Variants in URM1 observed in about 807,000 individuals in gnomAD.
URM1 encodes the protein ubiquitin-related modifier 1.
Under a neutral mutation model 17.7 loss-of-function variants are expected in URM1, and 11 were observed. The ratio of observed to expected loss-of-function variants is 0.62; its 90% CI spans 0.39 to 1.03. The LOEUF is 1.03. Among genes scored for constraint, URM1 ranks in the 50% least tolerant of loss-of-function variants. The pLI is 0.00. For missense variants in URM1, 128 were observed against 129.2 expected (o/e 0.99, Z 0.04); for synonymous variants, 48 against 50.6 (o/e 0.95, Z 0.22).
chr9:128,388,672 A>C (rs953212323), intron 3 of URM1: 39 of 984,858 alleles, frequency 4.0e-5, no homozygotes, highest in Non-Finnish European at 4.2e-5. Context: ...GAGCCAGGCT[A>C]AGCTGCCTGA....
chr9:128,375,960 C>T (rs1352191275), intron 1 of URM1, among the ~76,000 whole-genome samples: 1 of 152,080 alleles, frequency 6.6e-6, no homozygotes, highest in African/African-American at 2.4e-5. Flanking sequence ...ACATCGGGGC[C>T]GGCAGCTCCA....
intron 1 of URM1, among the ~76,000 whole-genome samples, chr9:128,374,712 A>G (rs1833054755): frequency 6.6e-6 from 1 of 152,210 alleles, no homozygotes; most frequent in South Asian, 2.1e-4. Context: ...AAATTGGGAA[A>G]GGGTGGTGGG....
intron 1 of URM1, among the ~76,000 whole-genome samples, chr9:128,372,266 G>A (rs78790760): frequency 0.093 from 14,088 of 151,698 alleles, 742 homozygotes; most frequent in Middle Eastern, 0.18. Context: ...AAATAGGTAG[G>A]GATGTGTGTG....
At chr9:128,385,455 C>A (rs188525094) in intron 2 of URM1, among the ~76,000 whole-genome samples, 2 of 152,242 alleles carry the variant, frequency 1.3e-5, no homozygotes, top group African/African-American at 4.8e-5. Flanking sequence ...AAATATTTTT[C>A]TCCTGCATGA....
At chr9:128,378,158 G>A in intron 2 of URM1, 52 bp downstream of exon 2, 1 of 1,355,144 alleles carries the variant, frequency 7.4e-7, no homozygotes, top group Non-Finnish European at 1.0e-6. Context: ...ACAGGAGTTG[G>A]TCCATGGGGA....
At chr9:128,385,598 CCT>C (rs1833215965) in intron 2 of URM1, among the ~76,000 whole-genome samples, 1 of 152,178 alleles carries the variant, frequency 6.6e-6, no homozygotes, top group South Asian at 2.1e-4. Context: ...GCCACCAGCC[CCT>C]GACTCTGCTT....
At chr9:128,381,450 A>G (rs1405329791) in intron 2 of URM1, among the ~76,000 whole-genome samples, 1 of 152,174 alleles carries the variant, frequency 6.6e-6, no homozygotes, top group Non-Finnish European at 1.5e-5. Context: ...TAATCCCAGC[A>G]CTTTGGGAGG....
At chr9:128,373,044 A>T (rs1833032595) in intron 1 of URM1, among the ~76,000 whole-genome samples, 1 of 152,160 alleles carries the variant, frequency 6.6e-6, no homozygotes. Flanking sequence ...TGTGAGGAAG[A>T]TGGGGCCATT....
Position 128,388,955 on chromosome 9 carries a change from A to G in URM1, c.189-306A>G, listed in dbSNP as rs576828691. 7 of 1,210,074 alleles carry G rather than the reference A, an allele frequency of 5.8e-6. No homozygotes were observed. In the African/African-American group the frequency reaches 1.1e-4, roughly 19 times the overall value. The allele number at this position is 1,210,074 out of a possible 1,614,324, so 75.0% of individuals were successfully genotyped here. A position where few individuals can be genotyped will look rare whatever the true frequency, so the allele number is the denominator to read the frequency against. ...GTATAGGCCTTGTGGGTTAGACAGT[A>G]TCACTTATCCCATTTTCAGATGAGG... On this transcript the variant is annotated intron_variant, in intron 3 of 4. Coordinates refer to ENST00000372853, the MANE Select transcript of URM1 (RefSeq NM_030914.4).
intron 2 of URM1, among the ~76,000 whole-genome samples, chr9:128,381,406 A>G (rs1833157819): frequency 1.3e-5 from 2 of 152,176 alleles, no homozygotes; most frequent in Admixed American, 6.5e-5. Flanking sequence ...TAAGGAGGTA[A>G]CATACCAAGG....
chr9:128,388,765 G>A, intron 3 of URM1: 1 of 987,452 alleles, frequency 1.0e-6, no homozygotes, highest in Non-Finnish European at 1.2e-6. Flanking sequence ...ATTCGGAAGA[G>A]GCAAAACAGC....
In URM1 at chr9:128,387,491, G is replaced by A. The variant is rs1018847525; in HGVS notation, c.107-325G>A. Among the ~76,000 whole-genome samples, 7 of 152,088 alleles carry A rather than the reference G, an allele frequency of 4.6e-5. No individual in the cohort carries two copies. Among genetic ancestry groups the A allele is most frequent in the Admixed American group, 4.6e-4 (7 of 15,276 alleles). On this transcript the variant is annotated intron_variant, in intron 2 of 4. Coordinates refer to ENST00000372853, the MANE Select transcript of URM1 (RefSeq NM_030914.4). The surrounding 1 kb of genome is among the most constrained non-coding windows in gnomAD (Gnocchi z 4.3). ...CTGGCTTCCAGGACTTGTGGGTAGG[G>A]GCCTGTCTCCTAACCCTTTAGATGC...
intron 3 of URM1, chr9:128,389,030 G>A: frequency 7.4e-7 from 1 of 1,347,268 alleles, no homozygotes; most frequent in Non-Finnish European, 9.5e-7. Context: ...GGGTGGTGGT[G>A]CTGGCTGGCA....
At position 128,391,124 on chromosome 9, in the gene URM1, A is replaced by C. The variant is rs1255850985; in HGVS notation, c.*1390A>C. The C allele has an allele frequency of 6.6e-6, 1 of 152,216 alleles. No homozygotes were observed. The highest frequency in any genetic ancestry group is 1.9e-4 in the East Asian group (1 of 5,206). The allele number at this position is 152,216 out of a possible 1,614,324, so 9.4% of individuals were successfully genotyped here. A position where few individuals can be genotyped will look rare whatever the true frequency, so the allele number is the denominator to read the frequency against. ...AGCTTTGCTGGAGGGAGACCCCCAA[A>C]AAGAATTAGGGTGCTAACATCCCAC... On this transcript the variant is annotated 3_prime_UTR_variant, in exon 5 of 5. Transcript: ENST00000372853.
At position 128,391,657 on chromosome 9, in the gene URM1, G is replaced by C. The variant is rs966449033; in HGVS notation, c.*1923G>C. The C allele has an allele frequency of 3.3e-5, 5 of 152,264 alleles. No homozygotes were observed. Among genetic ancestry groups the C allele is most frequent in the Non-Finnish European group, 7.3e-5 (5 of 68,070 alleles). The allele number at this position is 152,264 out of a possible 1,614,324, so 9.4% of individuals were successfully genotyped here. On this transcript the variant is annotated 3_prime_UTR_variant, in exon 5 of 5. Coordinates refer to ENST00000372853, the MANE Select transcript of URM1 (RefSeq NM_030914.4). ...CAGTGCACCTGATTGGAACACACTA[G>C]ATTTCAGGTCCTGGAAACTGGGCGC...
At position 128,371,402 on chromosome 9, in the gene URM1, G is replaced by A; in HGVS notation, c.22G>A (p.Glu8Lys). 1 of 1,613,060 alleles carries A rather than the reference G, an allele frequency of 6.2e-7. No homozygotes were observed. Among genetic ancestry groups the A allele is most frequent in the Non-Finnish European group, 8.5e-7 (1 of 1,179,326 alleles). MAAPLSV[E>K]VEFGGGAELL... ...CAACATGGCTGCGCCCTTGTCAGTG[G>A]AGGTGGAGTTCGGGTGAGTCACAGA... The change falls in exon 1 of 5, where the codon GAG (glutamate) becomes AAG (lysine). Residue 8 changes from glutamate (E) to lysine (K), a missense_variant. Glu to Lys is a moderately conservative substitution (Grantham distance 56). Transcript: ENST00000372853.
At position 128,389,863 on chromosome 9, in the gene URM1, C is replaced by T. The variant is rs1444808327; in HGVS notation, c.*129C>T. On this transcript the variant is annotated 3_prime_UTR_variant, in exon 5 of 5. Transcript: ENST00000372853. ...TTCCCTGCTCTGTCCCCTAAGCTCCCTCCAGGCAGGGAAAAGAGGCCAGGT... is the reference window on the plus strand; with the variant it reads ...TTCCCTGCTCTGTCCCCTAAGCTCCTTCCAGGCAGGGAAAAGAGGCCAGGT... The T allele has an allele frequency of 2.3e-6, 3 of 1,313,392 alleles. No homozygotes were observed. Among genetic ancestry groups the T allele is most frequent in the Admixed American group, 2.6e-5 (1 of 38,466 alleles). The allele number at this position is 1,313,392 out of a possible 1,614,324, so 81.4% of individuals were successfully genotyped here. A position where few individuals can be genotyped will look rare whatever the true frequency, so the allele number is the denominator to read the frequency against.
intron 2 of URM1, among the ~76,000 whole-genome samples, chr9:128,379,394 G>T (rs1175911585): frequency 6.6e-6 from 1 of 152,098 alleles, no homozygotes; most frequent in Non-Finnish European, 1.5e-5. Context: ...CAGGAGAATT[G>T]CTTGAACCTG....
At chr9:128,386,029 C>T (rs1833222564) in intron 2 of URM1, among the ~76,000 whole-genome samples, 1 of 152,232 alleles carries the variant, frequency 6.6e-6, no homozygotes, top group Non-Finnish European at 1.5e-5. Flanking sequence ...GACCACTAGC[C>T]CTTCCCCCAC....
Sources: allele counts gnomAD v4.1 joint callset (sites outside exome capture counted in the v4.1 genomes callset), GRCh38; gene constraint gnomAD v4.1.1; non-coding constraint Gnocchi (gnomAD v3.1); transcripts MANE v1.5; gene names NCBI Gene and HGNC (gene_info 2026-07-23, HGNC 2026-07-21).